The following MROH9 variants were observed in gnomAD, a reference collection of about 807,000 sequenced individuals.
The protein encoded by MROH9 is maestro heat like repeat family member 9.
A neutral mutation model predicts 98.2 loss-of-function variants in MROH9; 92 were observed. The ratio of observed to expected loss-of-function variants is 0.94; its 90% confidence interval spans 0.79 to 1.11. The LOEUF (loss-of-function observed/expected upper bound fraction) is 1.11, where lower values mean the gene tolerates loss of function less well. Among genes scored for constraint, MROH9 ranks in the 50% most tolerant of loss-of-function variants. MROH9 has a pLI of 0.00. For missense variants in MROH9, 1,057 were observed against 1,014.8 expected (o/e 1.04, Z -0.57); for synonymous variants, 397 against 368.9 (o/e 1.08, Z -0.87).
Position 170,986,673 on chromosome 1 carries a change from T to C in MROH9, c.842T>C (p.Ile281Thr). Residue 281 changes from isoleucine to threonine, a missense_variant, in exon 10 of 22, where the codon ATA becomes ACA. Transcript: ENST00000367759. Reference sequence around the variant, plus strand: ...GCATCTGATGCAGCATCCATACTGATATTTACTCTGGAATTTCATGCCGAG... The same window carrying C: ...GCATCTGATGCAGCATCCATACTGACATTTACTCTGGAATTTCATGCCGAG... Reference protein sequence around the residue: ...KIASDAASILIFTLEFHAEKV... With the variant: ...KIASDAASILTFTLEFHAEKV... The C allele has an allele frequency of 6.2e-7, 1 of 1,613,916 alleles. No individual in the cohort carries two copies. The highest frequency in any genetic ancestry group is 8.5e-7 in the Non-Finnish European group (1 of 1,179,890).
chr1:171,020,038 C>A (rs766211214), intron 17 of MROH9, among the ~76,000 whole-genome samples: 1 of 152,104 alleles, frequency 6.6e-6, no homozygotes, highest in East Asian at 1.9e-4. Flanking sequence ...AATTCCTGGA[C>A]GCATACACCC....
chr1:170,972,002 T>C (rs1175264667), intron 8 of MROH9, 119 bp downstream of exon 8: 4 of 1,062,182 alleles, frequency 3.8e-6, no homozygotes, highest in Non-Finnish European at 4.1e-6. Context: ...CCAAGAGTCA[T>C]GGCTATACTT....
chr1:170,938,228 C>G (rs1183945705), intron 1 of MROH9, among the ~76,000 whole-genome samples: 1 of 152,142 alleles, frequency 6.6e-6, no homozygotes, highest in African/African-American at 2.4e-5. Context: ...GTCGTGTCCC[C>G]TGATGGAAGA....
chr1:170,953,500 T>G (rs948192501), intron 3 of MROH9, among the ~76,000 whole-genome samples: 1 of 152,064 alleles, frequency 6.6e-6, no homozygotes, highest in Non-Finnish European at 1.5e-5. Context: ...ATCCATTTTG[T>G]GTAGGTGCAA....
At chr1:170,945,268 T>TG (rs1190026818) in intron 1 of MROH9, among the ~76,000 whole-genome samples, 1 of 152,116 alleles carries the variant, frequency 6.6e-6, no homozygotes. Context: ...GCACTCCAAG[T>TG]TGACATCTTG....
chr1:170,954,865 A>T (rs1649699378), intron 3 of MROH9, among the ~76,000 whole-genome samples: 1 of 151,996 alleles, frequency 6.6e-6, no homozygotes, highest in African/African-American at 2.4e-5. Context: ...ATTTGGTTAC[A>T]TGAGTAAATT....
At chr1:171,030,755 A>G (rs1366703274) in intron 20 of MROH9, among the ~76,000 whole-genome samples, 2 of 152,162 alleles carry the variant, frequency 1.3e-5, no homozygotes, top group African/African-American at 4.8e-5. Context: ...AGAAGAATGT[A>G]TATTCTGTTG....
At chr1:170,956,456 ATGTT>A (rs1183831585) in intron 3 of MROH9, among the ~76,000 whole-genome samples, 1 of 151,584 alleles carries the variant, frequency 6.6e-6, no homozygotes, top group African/African-American at 2.4e-5. Flanking sequence ...AGCATGGGAT[ATGTT>A]TCCTTTTGTT....
At chr1:170,977,065 T>A (rs1338085230) in intron 8 of MROH9, among the ~76,000 whole-genome samples, 1 of 152,222 alleles carries the variant, frequency 6.6e-6, no homozygotes, top group Non-Finnish European at 1.5e-5. Context: ...GAAATTCTTG[T>A]AGTGTGTTTT....
chr1:170,973,073 G>A (rs1650529104), intron 8 of MROH9, among the ~76,000 whole-genome samples: 1 of 151,344 alleles, frequency 6.6e-6, no homozygotes, highest in African/African-American at 2.4e-5. Context: ...AGGGTTGAAA[G>A]GCCAGGGTAC....
At chr1:171,050,607 C>A (rs892906711) in intron 20 of MROH9, among the ~76,000 whole-genome samples, 11 of 152,102 alleles carry the variant, frequency 7.2e-5, no homozygotes, top group Non-Finnish European at 1.3e-4. Flanking sequence ...ATCATATCAT[C>A]AGTGAAGAGG....
intron 8 of MROH9, among the ~76,000 whole-genome samples, chr1:170,980,966 AACAG>A (rs201441736): frequency 0.012 from 1,843 of 152,352 alleles, 39 homozygotes; most frequent in African/African-American, 0.042. Flanking sequence ...AAAGGATACA[AACAG>A]ACAGTTCTCA....
chr1:170,959,233 G>A (rs9426917), intron 4 of MROH9, among the ~76,000 whole-genome samples: 12,081 of 152,060 alleles, frequency 0.079, 603 homozygotes, highest in Non-Finnish European at 0.11. Context: ...AAATTAGCCA[G>A]GCGTGGTGGC....
intron 16 of MROH9, among the ~76,000 whole-genome samples, chr1:171,014,854 G>C (rs1037043452): frequency 1.3e-5 from 2 of 152,142 alleles, no homozygotes; most frequent in African/African-American, 4.8e-5. Context: ...CAAATTGTGA[G>C]GCCCCACCCC....
chr1:170,988,758 A>G (rs1274027136), intron 10 of MROH9, among the ~76,000 whole-genome samples: 1 of 152,168 alleles, frequency 6.6e-6, no homozygotes, highest in Non-Finnish European at 1.5e-5. Context: ...TCTCTAAATA[A>G]TCCTAACACA....
At chr1:171,003,279 G>A (rs1161390998) in intron 15 of MROH9, among the ~76,000 whole-genome samples, 1 of 152,030 alleles carries the variant, frequency 6.6e-6, no homozygotes, top group Admixed American at 6.5e-5. Flanking sequence ...AATCATTGCT[G>A]GTGAACTAGT....
chr1:170,999,326 T>C (rs28693474), intron 15 of MROH9, among the ~76,000 whole-genome samples: 43,990 of 151,938 alleles, frequency 0.29, 8,942 homozygotes, highest in African/African-American at 0.58. Flanking sequence ...TCCCACTCTT[T>C]CCCCCAAGTC....
intron 21 of MROH9, among the ~76,000 whole-genome samples, chr1:171,063,241 T>C (rs1479536681): frequency 1.4e-5 from 2 of 145,768 alleles, no homozygotes; most frequent in Non-Finnish European, 3.0e-5. Context: ...TTGGTATATG[T>C]ATTATCCCGG....
intron 20 of MROH9, among the ~76,000 whole-genome samples, chr1:171,055,623 A>G (rs111914563): frequency 5.5e-4 from 69 of 126,156 alleles, no homozygotes; most frequent in Non-Finnish European, 8.3e-4. Flanking sequence ...CTTCATAAAA[A>G]AAAAAAAAAA....
Sources: gnomAD v4.1 joint callset for allele counts (sites outside exome capture counted in the v4.1 genomes callset) on GRCh38, gnomAD v4.1.1 for gene constraint, MANE v1.5 for transcripts, NCBI Gene and HGNC (gene_info 2026-07-23, HGNC 2026-07-21) for gene names.